Variants in REELD1 observed in about 807,000 individuals in gnomAD.
REELD1 encodes the protein reeler domain containing 1.
A neutral mutation model predicts 6.3 loss-of-function variants in REELD1; 12 were observed. The ratio of observed to expected loss-of-function variants is 1.89; its 90% CI spans 1.21 to 3.07. The LOEUF is 3.07. REELD1 is among the 30% of genes most tolerant of loss of function. REELD1 has a pLI of 0.00. For synonymous variants in REELD1, 57 were observed against 33.6 expected (o/e 1.70, Z -2.42); for missense variants, 163 against 86.8 (o/e 1.88, Z -3.49).
At chr4:146,229,839 A>G in intron 7 of REELD1, 66 bp from the exon 8 acceptor site, 1 of 398,154 alleles carries the variant, frequency 2.5e-6, no homozygotes, top group Non-Finnish European at 4.4e-6. Context: ...AGTTAGTTAC[A>G]AAGTTCAGTG....
At chr4:146,228,556 G>A (rs1445628991) in intron 6 of REELD1, 34 bp downstream of exon 6, 1 of 685,464 alleles carries the variant, frequency 1.5e-6, no homozygotes, top group East Asian at 2.7e-5. Flanking sequence ...CAGGACAGGT[G>A]ATGGGACTAG....
At chr4:146,220,116 T>G (rs1376812886) in intron 3 of REELD1, among the ~76,000 whole-genome samples, 1 of 152,122 alleles carries the variant, frequency 6.6e-6, no homozygotes, top group Non-Finnish European at 1.5e-5. Context: ...CTAATTTTTT[T>G]GTTTTGTATT....
intron 5 of REELD1, 28 bp from the exon 6 acceptor site, chr4:146,228,182 T>C (rs1351963781): frequency 2.9e-6 from 2 of 691,584 alleles, no homozygotes; most frequent in Non-Finnish European, 5.3e-6. Context: ...TCTCACTCAC[T>C]CTGCGCTGTC....
chr4:146,229,468 T>C (rs780253222), intron 7 of REELD1, among the ~76,000 whole-genome samples: 1 of 152,194 alleles, frequency 6.6e-6, no homozygotes, highest in Non-Finnish European at 1.5e-5. Flanking sequence ...TCCTTTGAAG[T>C]CTTAGAAGGA....
chr4:146,227,240 T>C (rs1731041450), intron 5 of REELD1, among the ~76,000 whole-genome samples: 1 of 152,240 alleles, frequency 6.6e-6, no homozygotes, highest in African/African-American at 2.4e-5. Context: ...GGCAGGAATT[T>C]GAAACTATCA....
Position 146,217,138 on chromosome 4 carries a change from T to G in REELD1, c.186T>G (p.Tyr62Ter), listed in dbSNP as rs542451469. 2.5e-6 allele frequency: 1 copy of G among 399,708 alleles called. No homozygotes were observed. The highest frequency in any genetic ancestry group is 4.4e-6 in the Non-Finnish European group (1 of 226,696). 24.8% of individuals were successfully genotyped at this position (399,708 alleles called of 1,614,324 possible). Residue 62 changes from tyrosine (Y) to a stop codon, truncating the protein, a stop_gained, in exon 3 of 8, where the codon TAT (tyrosine) becomes TAG (stop). Coordinates refer to ENST00000623665, the MANE Select transcript of REELD1 (RefSeq NM_001354631.1). LOFTEE classifies it high-confidence loss of function. ...HITIHTHRTS[Y>*]APGDKIPVTV... ...CCATCCACACCCACAGGACTTCCTA[T>G]GCACCAGGTGACAAGATTCCAGGTA...
chr4:146,221,999 T>C (rs1196968689), intron 3 of REELD1, among the ~76,000 whole-genome samples: 2 of 152,128 alleles, frequency 1.3e-5, no homozygotes, highest in Non-Finnish European at 2.9e-5. Context: ...TTTTGGAAAA[T>C]AATTTTTTTT....
At chr4:146,227,135 T>G (rs1008032104) in intron 5 of REELD1, among the ~76,000 whole-genome samples, 3 of 152,190 alleles carry the variant, frequency 2.0e-5, no homozygotes, top group Admixed American at 1.3e-4. Context: ...GGGACACCAA[T>G]TACAAGTCTG....
chr4:146,217,597 T>G (rs1344830976), intron 3 of REELD1, among the ~76,000 whole-genome samples: 1 of 152,198 alleles, frequency 6.6e-6, no homozygotes, highest in African/African-American at 2.4e-5. Flanking sequence ...AAAATATTTG[T>G]GTCATAAAAA....
intron 4 of REELD1, among the ~76,000 whole-genome samples, chr4:146,224,020 A>T (rs1025570750): frequency 1.1e-4 from 16 of 152,380 alleles, no homozygotes; most frequent in African/African-American, 2.9e-4. Flanking sequence ...TAGAATCTAC[A>T]ATAAGGGTAG....
At chr4:146,227,508 GT>G (rs1181962730) in intron 5 of REELD1, among the ~76,000 whole-genome samples, 1 of 152,206 alleles carries the variant, frequency 6.6e-6, no homozygotes, top group African/African-American at 2.4e-5. Context: ...ACCTCAATGA[GT>G]TCATGTCAAC....
In REELD1 at chr4:146,231,032, T is replaced by A. The variant is rs1227370706; in HGVS notation, c.*519T>A. The stretch of plus-strand genomic sequence containing the variant: ...TGAATTCAACAACTTGCTAGAGTTC[T>A]GATTTGGATGACTAGGTGAATGCAA... On this transcript the variant is annotated 3_prime_UTR_variant, in exon 8 of 8. Transcript: ENST00000623665. Among the ~76,000 whole-genome samples the A allele has an allele frequency of 6.6e-6, 1 of 152,260 alleles. No homozygotes were observed. The highest frequency in any genetic ancestry group is 1.5e-5 in the Non-Finnish European group (1 of 68,042).
intron 5 of REELD1, among the ~76,000 whole-genome samples, chr4:146,225,822 C>T (rs1731012079): frequency 6.6e-6 from 1 of 152,168 alleles, no homozygotes; most frequent in Admixed American, 6.5e-5. Context: ...GGGGTTGCAG[C>T]CTCCAGCCCA....
intron 4 of REELD1, among the ~76,000 whole-genome samples, chr4:146,223,127 G>A (rs533441891): frequency 9.9e-5 from 15 of 152,214 alleles, no homozygotes; most frequent in Non-Finnish European, 2.1e-4. Context: ...TCAAAATGAG[G>A]TACTTGTTTT....
rs1731114156 is a variant in REELD1, at chr4:146,230,655, G to A, written c.*142G>A. 2 of 396,504 alleles carry A rather than the reference G, an allele frequency of 5.0e-6. No homozygotes were observed. Among genetic ancestry groups the A allele is most frequent in the African/African-American group, 2.1e-5 (1 of 48,610 alleles). 24.6% of individuals were successfully genotyped at this position (396,504 alleles called of 1,614,324 possible). ...ATGTGCAGTTAGTGGAGGAACCCGG[G>A]AGAGGACACTTTCATCAACAGAGGG... On this transcript the variant is annotated 3_prime_UTR_variant, in exon 8 of 8. Coordinates refer to ENST00000623665, the MANE Select transcript of REELD1 (RefSeq NM_001354631.1).
intron 4 of REELD1, among the ~76,000 whole-genome samples, chr4:146,222,967 A>G (rs1288663485): frequency 6.6e-6 from 1 of 152,102 alleles, no homozygotes; most frequent in Non-Finnish European, 1.5e-5. Flanking sequence ...GGGCCCAGGA[A>G]AAGCTTCTTG....
At chr4:146,221,697 G>A (rs1213475318) in intron 3 of REELD1, among the ~76,000 whole-genome samples, 1 of 152,008 alleles carries the variant, frequency 6.6e-6, no homozygotes, top group Non-Finnish European at 1.5e-5. Flanking sequence ...TGTCTCTACT[G>A]AAAATACAAA....
chr4:146,220,370 A>C (rs1156490249), intron 3 of REELD1, among the ~76,000 whole-genome samples: 2 of 152,210 alleles, frequency 1.3e-5, no homozygotes, highest in Non-Finnish European at 2.9e-5. Flanking sequence ...GTTTTGATGG[A>C]TATCTTTATT....
In REELD1 at chr4:146,215,214, C is replaced by G. The variant is rs1730802326; in HGVS notation, c.-12+16C>G. On this transcript the variant is annotated intron_variant, in intron 2 of 7. Transcript: ENST00000623665. ...GGAACTATAGGTGCGCACCACCATGCCCAGCATTCAAGGGGCATTTTGTAT... is the reference window on the plus strand; with the variant it reads ...GGAACTATAGGTGCGCACCACCATGGCCAGCATTCAAGGGGCATTTTGTAT... 1 of 152,200 alleles carries G rather than the reference C, an allele frequency of 6.6e-6. No homozygotes were observed. Among genetic ancestry groups the G allele is most frequent in the South Asian group, 2.1e-4 (1 of 4,828 alleles). The allele number at this position is 152,200 out of a possible 1,614,324, so 9.4% of individuals were successfully genotyped here.
Sources: gnomAD v4.1 joint callset for allele counts (sites outside exome capture counted in the v4.1 genomes callset) on GRCh38, gnomAD v4.1.1 for gene constraint, MANE v1.5 for transcripts, NCBI Gene and HGNC (gene_info 2026-07-23, HGNC 2026-07-21) for gene names.